KCNIP1: variants seen among roughly 807,000 people sequenced by gnomAD.
KCNIP1 encodes the protein potassium voltage-gated channel interacting protein 1.
KCNIP1 carries 18 observed loss-of-function variants against 33.0 expected under a neutral mutation model. The observed-to-expected ratio is 0.55, with a 90% CI of 0.38 to 0.81. The LOEUF is 0.81. Among genes scored for constraint, KCNIP1 ranks in the 30% least tolerant of loss-of-function variants. KCNIP1 has a pLI of 0.00. For synonymous variants in KCNIP1, 93 were observed against 98.3 expected, an observed-to-expected ratio of 0.95 and a Z score of 0.32; for missense variants, 238 against 271.6, an observed-to-expected ratio of 0.88 and a Z score of 0.87.
intron 1 of KCNIP1, among the ~76,000 whole-genome samples, chr5:170,687,284 C>A (rs1014240523): frequency 1.3e-5 from 2 of 151,746 alleles, no homozygotes; most frequent in East Asian, 3.9e-4. Context: ...CGGGTTCAAG[C>A]GATTCTCCTG....
intron 1 of KCNIP1, among the ~76,000 whole-genome samples, chr5:170,362,269 G>A (rs1763534298): frequency 6.6e-6 from 1 of 152,166 alleles, no homozygotes. Context: ...TAGGCGGTCT[G>A]GCCCCAAGCC....
chr5:170,550,128 C>T (rs528006857), intron 1 of KCNIP1, among the ~76,000 whole-genome samples: 2 of 152,256 alleles, frequency 1.3e-5, no homozygotes, highest in East Asian at 3.9e-4. Flanking sequence ...GTGGAACAGG[C>T]CCCAGAGCTG....
intron 1 of KCNIP1, among the ~76,000 whole-genome samples, chr5:170,632,200 C>T (rs967352226): frequency 3.3e-5 from 5 of 152,212 alleles, no homozygotes; most frequent in East Asian, 1.9e-4. Context: ...CTCCAAGAGG[C>T]GAGGGAAAAT....
chr5:170,415,340 G>A (rs879505269), intron 1 of KCNIP1, among the ~76,000 whole-genome samples: 3 of 152,088 alleles, frequency 2.0e-5, no homozygotes, highest in Non-Finnish European at 2.9e-5. Flanking sequence ...TTTCTACAAC[G>A]GTACTACTGA....
chr5:170,392,326 C>T (rs908683318), intron 1 of KCNIP1, among the ~76,000 whole-genome samples: 2 of 152,158 alleles, frequency 1.3e-5, no homozygotes, highest in Non-Finnish European at 1.5e-5. Flanking sequence ...TCCAGAGCCA[C>T]AAAATCCACG....
intron 1 of KCNIP1, among the ~76,000 whole-genome samples, chr5:170,512,910 C>T (rs1320046419): frequency 6.6e-6 from 1 of 152,112 alleles, no homozygotes; most frequent in African/African-American, 2.4e-5. Flanking sequence ...ATTAGCCAGG[C>T]GTGGTGGCGG....
intron 1 of KCNIP1, among the ~76,000 whole-genome samples, chr5:170,404,864 A>AT (rs1754995755): frequency 6.6e-6 from 1 of 152,108 alleles, no homozygotes; most frequent in South Asian, 2.1e-4. Flanking sequence ...TCGCATTATG[A>AT]TTTTTTCCTT....
chr5:170,735,286 C>T lies in KCNIP1; in HGVS notation c.604-473C>T, dbSNP rs112057411. ...GAATGTAGAAAAATCCTCAAATGTT[C>T]GGTATTAAGCAATACACTTCTAATT... On this transcript the variant is annotated intron_variant, in intron 7 of 7. Coordinates refer to ENST00000328939, the MANE Select transcript of KCNIP1 (RefSeq NM_014592.4). Among the ~76,000 whole-genome samples, 575 of 151,844 alleles carry T rather than the reference C, an allele frequency of 3.8e-3. 3 individuals carry two copies. Among genetic ancestry groups the T allele is most frequent in the African/African-American group, 0.013 (529 of 41,370 alleles).
intron 1 of KCNIP1, among the ~76,000 whole-genome samples, chr5:170,567,372 G>A (rs1427075269): frequency 6.6e-6 from 1 of 152,200 alleles, no homozygotes; most frequent in Non-Finnish European, 1.5e-5. Flanking sequence ...TACAGGAGGT[G>A]AGGAGGTCAG....
At chr5:170,705,638 T>A (rs183073997) in intron 1 of KCNIP1, among the ~76,000 whole-genome samples, 140 of 152,334 alleles carry the variant, frequency 9.2e-4, no homozygotes, top group Admixed American at 3.7e-3. Flanking sequence ...TGGTGGCCAT[T>A]ACCTTTAACA....
chr5:170,490,301 C>T (rs537816059), intron 1 of KCNIP1, among the ~76,000 whole-genome samples: 2 of 152,360 alleles, frequency 1.3e-5, no homozygotes, highest in South Asian at 4.1e-4. Context: ...GCTGACTGCT[C>T]TCACCCTTGC....
At chr5:170,363,716 C>T (rs1287643111) in intron 1 of KCNIP1, among the ~76,000 whole-genome samples, 1 of 152,158 alleles carries the variant, frequency 6.6e-6, no homozygotes, top group Non-Finnish European at 1.5e-5. Flanking sequence ...ACATATATAA[C>T]ATTAAATTTA....
chr5:170,701,431 G>A (rs1345724262), intron 1 of KCNIP1, among the ~76,000 whole-genome samples: 3 of 152,186 alleles, frequency 2.0e-5, no homozygotes, highest in East Asian at 1.9e-4. Flanking sequence ...CCATCAAAGC[G>A]TCACTCCAGG....
At chr5:170,638,820 T>A (rs1218257046) in intron 1 of KCNIP1, among the ~76,000 whole-genome samples, 5 of 152,190 alleles carry the variant, frequency 3.3e-5, no homozygotes, top group African/African-American at 1.2e-4. Context: ...ACCCTCCTCC[T>A]CTCCCGAATC....
At chr5:170,445,153 C>T (rs527471248) in intron 1 of KCNIP1, among the ~76,000 whole-genome samples, 11 of 152,160 alleles carry the variant, frequency 7.2e-5, no homozygotes, top group African/African-American at 1.2e-4. Context: ...TCACTGCAGG[C>T]GGGAACTTTC....
intron 1 of KCNIP1, among the ~76,000 whole-genome samples, chr5:170,542,818 T>C (rs894870849): frequency 2.6e-5 from 4 of 152,206 alleles, no homozygotes; most frequent in African/African-American, 9.6e-5. Flanking sequence ...GCTCAAAATA[T>C]CTTACTGTAT....
At chr5:170,418,796 A>G (rs1012142761) in intron 1 of KCNIP1, among the ~76,000 whole-genome samples, 2 of 152,050 alleles carry the variant, frequency 1.3e-5, no homozygotes, top group Non-Finnish European at 2.9e-5. Flanking sequence ...ATCCCTCCAC[A>G]TTTCCAGGTG....
chr5:170,659,114 G>A (rs905179672), intron 1 of KCNIP1, among the ~76,000 whole-genome samples: 13 of 152,056 alleles, frequency 8.5e-5, no homozygotes, highest in African/African-American at 2.4e-4. Flanking sequence ...TCTTGCCTGC[G>A]TTCCTTTAAT....
intron 1 of KCNIP1, among the ~76,000 whole-genome samples, chr5:170,585,485 GCTCCACTCC>G (rs1757952709): frequency 6.6e-6 from 1 of 152,082 alleles, no homozygotes; most frequent in Non-Finnish European, 1.5e-5. Flanking sequence ...ACTCCTCGTG[GCTCCACTCC>G]CTATTACTCA....
Sources: gnomAD v4.1 joint callset for allele counts (sites outside exome capture counted in the v4.1 genomes callset) on GRCh38, gnomAD v4.1.1 for gene constraint, MANE v1.5 for transcripts, NCBI Gene and HGNC (gene_info 2026-07-23, HGNC 2026-07-21) for gene names.